The following MRPS21 variants were observed in gnomAD, a reference collection of about 807,000 sequenced individuals.
MRPS21 encodes the protein mitochondrial ribosomal protein S21.
In MRPS21, 8 loss-of-function variants were observed where a neutral mutation model predicts 9.9. The observed-to-expected ratio is 0.81, with a 90% CI of 0.47 to 1.45. The LOEUF (loss-of-function observed/expected upper bound fraction) is 1.45. Among genes scored for constraint, MRPS21 ranks in the 40% most tolerant of loss-of-function variants. MRPS21 has a pLI of 0.00. For missense variants in MRPS21, 101 were observed against 118.9 expected (o/e 0.85, Z 0.70); for synonymous variants, 40 against 40.3 (o/e 0.99, Z 0.03).
At chr1:150,295,970 T>TTTTTA (rs1428930001) in intron 2 of MRPS21, among the ~76,000 whole-genome samples, 4 of 134,386 alleles carry the variant, frequency 3.0e-5, no homozygotes, top group Non-Finnish European at 4.7e-5. Context: ...TTTTTTTTTT[T>TTTTTA]AAAACGGAGT....
intron 1 of MRPS21, 132 bp downstream of exon 1, chr1:150,294,030 CTA>C (rs1345697864): frequency 7.0e-6 from 2 of 283,950 alleles, no homozygotes; most frequent in Non-Finnish European, 1.4e-5. Context: ...CCTTTTGGAA[CTA>C]TGTGTGGTGG....
rs1654434286 is a variant in MRPS21, at chr1:150,308,456, A to G, written c.*228A>G. The G allele has an allele frequency of 2.3e-6, 1 of 426,726 alleles. No homozygotes were observed. The highest frequency in any genetic ancestry group is 4.2e-6 in the Non-Finnish European group (1 of 237,040). The allele number at this position is 426,726 out of a possible 1,614,324, so 26.4% of individuals were successfully genotyped here. On this transcript the variant is annotated 3_prime_UTR_variant, in exon 3 of 3. Transcript: ENST00000614145. ...GAAAGTACTCTAGGAGTAGAATGGT[A>G]TTTGCCAGGGACTGGAGGAGGGGGC...
chr1:150,294,043 T>C (rs112240224), intron 1 of MRPS21, 145 bp downstream of exon 1: 1 of 334,700 alleles, frequency 3.0e-6, no homozygotes, highest in East Asian at 6.9e-5. Flanking sequence ...TGTGTGGTGG[T>C]TGGGACCCTG....
At chr1:150,305,139 C>G (rs1553858345) in intron 2 of MRPS21, 1 of 209,022 alleles carries the variant, frequency 4.8e-6, no homozygotes, top group Non-Finnish European at 1.0e-5. Flanking sequence ...AAGCATTTCT[C>G]CCATTCTCCC....
chr1:150,294,341 C>G lies in MRPS21; in HGVS notation c.-26C>G. 5 of 1,593,956 alleles carry G rather than the reference C, an allele frequency of 3.1e-6. No individual in the cohort carries two copies. The highest frequency in any genetic ancestry group is 4.3e-6 in the Non-Finnish European group (5 of 1,163,200). On this transcript the variant is annotated 5_prime_UTR_variant, in exon 2 of 3. Transcript: ENST00000614145. ...TTTCTCCATCATCCTTTAGGCTCTA[C>G]AGAGTGAAGGTTTAAATCCAAGGTC... is the stretch of plus-strand genomic sequence containing the variant.
rs1654438715 is a variant in MRPS21 at position 150,308,547 on chromosome 1, G to A, written c.*319G>A. 2 of 188,780 alleles carry A rather than the reference G, an allele frequency of 1.1e-5. No individual in the cohort carries two copies. The highest frequency in any genetic ancestry group is 2.3e-5 in the African/African-American group (1 of 43,092). The allele number at this position is 188,780 out of a possible 1,614,324, so 11.7% of individuals were successfully genotyped here. On this transcript the variant is annotated 3_prime_UTR_variant, in exon 3 of 3. Transcript: ENST00000614145. ...GGGCAGATGAAAAAGTTCAGGAGACGATGGCCTGGCATGGTGGCTCACGCC... is the reference window on the plus strand; with the variant it reads ...GGGCAGATGAAAAAGTTCAGGAGACAATGGCCTGGCATGGTGGCTCACGCC...
chr1:150,299,843 C>T (rs1205249404), intron 2 of MRPS21, among the ~76,000 whole-genome samples: 9 of 151,388 alleles, frequency 5.9e-5, no homozygotes, highest in Non-Finnish European at 8.8e-5. Flanking sequence ...TATTAGAGAG[C>T]CGGAGAGTGG....
intron 2 of MRPS21, chr1:150,301,340 GA>G (rs781829883): frequency 1.4e-5 from 4 of 279,964 alleles, no homozygotes; most frequent in African/African-American, 2.3e-5. Flanking sequence ...CGTCTCAAAA[GA>G]AAAAAAATTA....
intron 2 of MRPS21, among the ~76,000 whole-genome samples, chr1:150,303,085 CTTTGT>C: frequency 6.6e-6 from 1 of 152,250 alleles, no homozygotes; most frequent in East Asian, 1.9e-4. Context: ...AGATGATCAC[CTTTGT>C]TTTAGAAGCC....
chr1:150,297,891 T>C (rs1553856849), intron 2 of MRPS21, among the ~76,000 whole-genome samples: 1 of 152,082 alleles, frequency 6.6e-6, no homozygotes, highest in Non-Finnish European at 1.5e-5. Context: ...TTATGTCTAA[T>C]GACCTTTCTC....
At position 150,296,540 on chromosome 1, in the gene MRPS21, C is replaced by T. The variant is rs587609392; in HGVS notation, c.83+2091C>T. On this transcript the variant is annotated intron_variant, in intron 2 of 2. Coordinates refer to ENST00000614145, the MANE Select transcript of MRPS21 (RefSeq NM_031901.6). Reference sequence around the variant, plus strand: ...CTCTTGTTGTGCCTGTGAATAACCACTCCACTCTAACCTAGGAAGCATAGT... The same window carrying T: ...CTCTTGTTGTGCCTGTGAATAACCATTCCACTCTAACCTAGGAAGCATAGT... Among the ~76,000 whole-genome samples the T allele has an allele frequency of 3.3e-5, 5 of 152,244 alleles. No homozygotes were observed. In the South Asian group the frequency reaches 1.0e-3, roughly 31 times the overall value.
chr1:150,308,346 G>T lies in MRPS21; in HGVS notation c.*118G>T, dbSNP rs1654428616. 7 of 1,017,824 alleles carry T rather than the reference G, an allele frequency of 6.9e-6. No homozygotes were observed. The highest frequency in any genetic ancestry group is 1.6e-5 in the African/African-American group (1 of 62,784). 63.0% of individuals were successfully genotyped at this position (1,017,824 alleles called of 1,614,324 possible). ...TGCAATAAACTCAAATCACATGTCTGCAAGAAGGCCTCCAAATATAGAAAC... is the reference window on the plus strand; with the variant it reads ...TGCAATAAACTCAAATCACATGTCTTCAAGAAGGCCTCCAAATATAGAAAC... On this transcript the variant is annotated 3_prime_UTR_variant, in exon 3 of 3. Coordinates refer to ENST00000614145, the MANE Select transcript of MRPS21 (RefSeq NM_031901.6).
At chr1:150,298,641 G>A (rs782751248) in intron 2 of MRPS21, among the ~76,000 whole-genome samples, 2 of 151,908 alleles carry the variant, frequency 1.3e-5, no homozygotes, top group South Asian at 2.1e-4. Flanking sequence ...TCCCTCTGTC[G>A]CCCAGGCTGG....
chr1:150,301,643 GTC>G (rs1254198279), intron 2 of MRPS21, among the ~76,000 whole-genome samples: 1 of 149,890 alleles, frequency 6.7e-6, no homozygotes, highest in African/African-American at 2.5e-5. Context: ...TTAATACGGA[GTC>G]TCTCTCTGTT....
intron 2 of MRPS21, among the ~76,000 whole-genome samples, chr1:150,294,662 G>GC (rs1653847441): frequency 1.3e-5 from 2 of 152,114 alleles, no homozygotes; most frequent in South Asian, 4.2e-4. Flanking sequence ...ACTTTGGGAG[G>GC]CCGAGGCGGG....
chr1:150,298,244 T>C (rs1653986361), intron 2 of MRPS21, among the ~76,000 whole-genome samples: 1 of 152,178 alleles, frequency 6.6e-6, no homozygotes, highest in Admixed American at 6.6e-5. Flanking sequence ...AAAATGAACG[T>C]CTTTATAGGT....
intron 2 of MRPS21, among the ~76,000 whole-genome samples, chr1:150,296,566 G>A (rs2101903124): frequency 6.6e-6 from 1 of 152,248 alleles, no homozygotes; most frequent in East Asian, 1.9e-4. Flanking sequence ...GAAGCATAGT[G>A]AGACCATGTC....
Position 150,308,296 on chromosome 1 carries a change from A to C in MRPS21, c.*68A>C. On this transcript the variant is annotated 3_prime_UTR_variant, in exon 3 of 3. Transcript: ENST00000614145. Reference sequence around the variant, plus strand: ...TTCTCTCCATCTCTTTTCTTTGTACAATCCCATTTCCTATTACCATTCTCT... The same window carrying C: ...TTCTCTCCATCTCTTTTCTTTGTACCATCCCATTTCCTATTACCATTCTCT... 6.8e-7 allele frequency: 1 copy of C among 1,478,502 alleles called. No homozygotes were observed. The highest frequency in any genetic ancestry group is 9.2e-7 in the Non-Finnish European group (1 of 1,087,438). The allele number at this position is 1,478,502 out of a possible 1,614,324, so 91.6% of individuals were successfully genotyped here.
intron 2 of MRPS21, among the ~76,000 whole-genome samples, chr1:150,300,382 C>T (rs1167615852): frequency 6.6e-6 from 1 of 152,056 alleles, no homozygotes; most frequent in East Asian, 1.9e-4. Flanking sequence ...GGACAGAAAC[C>T]TATGCTTTTT....
Sources: allele counts gnomAD v4.1 joint callset (sites outside exome capture counted in the v4.1 genomes callset), GRCh38; gene constraint gnomAD v4.1.1; transcripts MANE v1.5; gene names NCBI Gene and HGNC (gene_info 2026-07-23, HGNC 2026-07-21).